The following EPS15 variants were observed in gnomAD, a reference collection of about 807,000 sequenced individuals.
EPS15 encodes epidermal growth factor receptor pathway substrate 15.
A neutral mutation model predicts 113.8 loss-of-function variants in EPS15; 72 were observed. That is an observed-to-expected ratio of 0.63 (90% CI 0.52 to 0.77). EPS15 has a LOEUF of 0.77. Ranked by LOEUF, EPS15 falls within the 30% of genes least tolerant of loss-of-function variation. EPS15 has a pLI of 0.00. For missense variants in EPS15, 1,048 were observed against 1,045.8 expected (o/e 1.00, Z -0.03); for synonymous variants, 344 against 363.4 (o/e 0.95, Z 0.61).
chr1:51,493,284 C>G (rs1201542803), intron 1 of EPS15, among the ~76,000 whole-genome samples: 2 of 135,214 alleles, frequency 1.5e-5, no homozygotes, highest in African/African-American at 5.6e-5. Flanking sequence ...TGGCGTGAAC[C>G]CGGGAGGCGG....
chr1:51,482,480 A>C (rs1441771158), intron 1 of EPS15, among the ~76,000 whole-genome samples: 1 of 152,096 alleles, frequency 6.6e-6, no homozygotes, highest in Admixed American at 6.6e-5. Flanking sequence ...CTGCCATTGT[A>C]GAGTAAAAAA....
At chr1:51,388,702 A>C (rs529521214) in intron 21 of EPS15, among the ~76,000 whole-genome samples, 23 of 152,354 alleles carry the variant, frequency 1.5e-4, no homozygotes, top group African/African-American at 5.5e-4. Flanking sequence ...CTATGCAAAT[A>C]AACTAGAAAA....
intron 2 of EPS15, among the ~76,000 whole-genome samples, chr1:51,474,191 G>A (rs1655438240): frequency 6.6e-6 from 1 of 152,164 alleles, no homozygotes; most frequent in South Asian, 2.1e-4. Context: ...GAGGTATTCT[G>A]CTGCTTGCCT....
Position 51,462,307 on chromosome 1 carries a change from G to C in EPS15, c.502-1157C>G, listed in dbSNP as rs542159471. 2.0e-5 allele frequency among the ~76,000 whole-genome samples: 3 copies of C among 151,390 alleles called. No homozygotes were observed. The South Asian group carries it at 6.3e-4, about 32-fold the overall frequency. ...GAACCCGGGAGGCAGAGGTTGTGGT[G>C]AGCCAAGATTGCGCCATTGCACTCC... On this transcript the variant is annotated intron_variant, in intron 7 of 24. Coordinates refer to ENST00000371733, the MANE Select transcript of EPS15 (RefSeq NM_001981.3).
chr1:51,420,167 T>C (rs1368724743), intron 13 of EPS15, among the ~76,000 whole-genome samples: 1 of 152,136 alleles, frequency 6.6e-6, no homozygotes, highest in Non-Finnish European at 1.5e-5. Flanking sequence ...AGGTTAGACA[T>C]ACACCTTACC....
intron 12 of EPS15, chr1:51,423,712 A>C: frequency 1.0e-6 from 1 of 985,396 alleles, no homozygotes; most frequent in Non-Finnish European, 1.2e-6. Context: ...TGCTCAGATC[A>C]AGTGTGCATG....
At chr1:51,516,719 G>A (rs1557545193) in intron 1 of EPS15, among the ~76,000 whole-genome samples, 1 of 152,074 alleles carries the variant, frequency 6.6e-6, no homozygotes, top group Non-Finnish European at 1.5e-5. Context: ...GTACATAATA[G>A]GTACTATAAA....
At chr1:51,469,198 A>G (rs1655073169) in intron 4 of EPS15, among the ~76,000 whole-genome samples, 1 of 152,214 alleles carries the variant, frequency 6.6e-6, no homozygotes, top group Non-Finnish European at 1.5e-5. Flanking sequence ...TATCATTTAA[A>G]TGAGAAAAAA....
At chr1:51,428,828 A>G (rs1053447602) in intron 12 of EPS15, among the ~76,000 whole-genome samples, 24 of 121,136 alleles carry the variant, frequency 2.0e-4, no homozygotes, top group African/African-American at 6.9e-4. Context: ...CTCCATCTCA[A>G]AAAAAAAAAA....
rs1013587835 is a variant in EPS15, at chr1:51,411,907, C to T, written c.1114-2211G>A. On this transcript the variant is annotated intron_variant, in intron 13 of 24. Coordinates refer to ENST00000371733, the MANE Select transcript of EPS15 (RefSeq NM_001981.3). Reference sequence around the variant, plus strand: ...ATTCCACTATAAAGACACATGCACACGTATGTTTATTGCAGCACTATTCAC... The same window carrying T: ...ATTCCACTATAAAGACACATGCACATGTATGTTTATTGCAGCACTATTCAC... Among the ~76,000 whole-genome samples the T allele has an allele frequency of 9.9e-5, 15 of 152,166 alleles. No homozygotes were observed. The South Asian group carries it at 1.4e-3, about 15-fold the overall frequency.
chr1:51,407,238 C>T (rs1649215550), intron 15 of EPS15, among the ~76,000 whole-genome samples: 3 of 152,124 alleles, frequency 2.0e-5, no homozygotes, highest in South Asian at 4.1e-4. Context: ...CACTCTGTTG[C>T]CCAGGGTGGA....
intron 7 of EPS15, among the ~76,000 whole-genome samples, chr1:51,462,951 A>G (rs1212824312): frequency 7.4e-6 from 1 of 135,202 alleles, no homozygotes; most frequent in Non-Finnish European, 1.5e-5. Context: ...ATCTCGGCTC[A>G]CTGCAACCAC....
chr1:51,441,119 C>A (rs551759139), intron 11 of EPS15, among the ~76,000 whole-genome samples: 1 of 152,154 alleles, frequency 6.6e-6, no homozygotes, highest in East Asian at 1.9e-4. Context: ...CTGGGTCCTG[C>A]TATTTTACTA....
chr1:51,408,059 A>G (rs1482724791), intron 15 of EPS15, 76 bp downstream of exon 15: 1 of 1,267,842 alleles, frequency 7.9e-7, no homozygotes, highest in Non-Finnish European at 1.2e-6. Flanking sequence ...TTGAAGGAGC[A>G]GAAGTTGGAA....
chr1:51,454,926 T>A (rs1259105192), intron 8 of EPS15, among the ~76,000 whole-genome samples: 1 of 151,138 alleles, frequency 6.6e-6, no homozygotes, highest in Non-Finnish European at 1.5e-5. Flanking sequence ...AAATTTAAAG[T>A]TCATTAGGAA....
At chr1:51,372,003 T>C (rs995477854) in intron 21 of EPS15, among the ~76,000 whole-genome samples, 18 of 152,210 alleles carry the variant, frequency 1.2e-4, no homozygotes, top group East Asian at 3.8e-4. Flanking sequence ...CTAGGAGCAA[T>C]AGGCTATATG....
chr1:51,399,005 T>G, intron 20 of EPS15, 27 bp downstream of exon 20: 1 of 1,600,392 alleles, frequency 6.2e-7, no homozygotes, highest in Non-Finnish European at 8.5e-7. Context: ...TCCATTTAAC[T>G]TAACAGTTTT....
rs1175472321 is a variant in EPS15 at position 51,408,124 on chromosome 1, CAAAG to C, written c.1473+7_1473+10del. 1 of 1,611,988 alleles carries C rather than the reference CAAAG, an allele frequency of 6.2e-7. No homozygotes were observed. The highest frequency in any genetic ancestry group is 1.1e-5 in the South Asian group (1 of 91,044). Reference sequence around the variant, plus strand: ...CCATTTGAATATATTTCTTGCTTTACAAAGACTTACTGAACTAATTTCCTGTTGT... The same window carrying C: ...CCATTTGAATATATTTCTTGCTTTACACTTACTGAACTAATTTCCTGTTGT... On this transcript the variant is annotated splice_region_variant and intron_variant, in intron 15 of 24. Transcript: ENST00000371733.
chr1:51,398,701 A>G (rs2148412715), intron 20 of EPS15, among the ~76,000 whole-genome samples: 1 of 152,376 alleles, frequency 6.6e-6, no homozygotes, highest in South Asian at 2.1e-4. Flanking sequence ...TTTCAATAAT[A>G]TACCAAACAT....
Sources: allele counts gnomAD v4.1 joint callset (sites outside exome capture counted in the v4.1 genomes callset), GRCh38; gene constraint gnomAD v4.1.1; transcripts MANE v1.5; gene names NCBI Gene and HGNC (gene_info 2026-07-23, HGNC 2026-07-21).